The following HYCC2 variants were observed in gnomAD, a reference collection of about 807,000 sequenced individuals.
HYCC2 encodes the protein hyccin PI4KA lipid kinase complex subunit 2.
At chr2:201,025,273 GAATT>G in the HYCC2 span, among the ~76,000 whole-genome samples, 1 of 152,140 alleles carries the variant, frequency 6.6e-6, no homozygotes, top group African/African-American at 2.4e-5. Flanking sequence ...GATTCCGTAA[GAATT>G]AATTGGTTCA....
At chr2:201,039,742 G>A in the HYCC2 span, among the ~76,000 whole-genome samples, 4,684 of 152,136 alleles carry the variant, frequency 0.031, 256 homozygotes, top group African/African-American at 0.11. Context: ...AATACATAAA[G>A]TTAAATTCTA....
the HYCC2 span, among the ~76,000 whole-genome samples, chr2:201,039,911 A>C: frequency 6.6e-6 from 1 of 152,194 alleles, no homozygotes; most frequent in Non-Finnish European, 1.5e-5. Context: ...ACAGTGGCTC[A>C]CGCCTGTAAT....
the HYCC2 span, chr2:201,011,502 A>T: frequency 9.1e-7 from 1 of 1,101,428 alleles, no homozygotes. Flanking sequence ...AAAGATAATG[A>T]AATAATCACA....
chr2:200,992,159 T>G, the HYCC2 span: 3 of 663,220 alleles, frequency 4.5e-6, no homozygotes, highest in East Asian at 5.4e-5. Flanking sequence ...TCTCTAACAG[T>G]TAACCAACTG....
At chr2:201,070,983 TC>T in the HYCC2 span, among the ~76,000 whole-genome samples, 1 of 152,234 alleles carries the variant, frequency 6.6e-6, no homozygotes, top group Admixed American at 6.5e-5. Context: ...CTACCACCCT[TC>T]GCCTAGAGAA....
the HYCC2 span, chr2:201,009,134 T>A: frequency 9.0e-7 from 1 of 1,116,332 alleles, no homozygotes; most frequent in Non-Finnish European, 1.4e-6. Context: ...TACCATGAAG[T>A]AAAAATCTGT....
chr2:201,009,280 C>A, the HYCC2 span: 1 of 408,264 alleles, frequency 2.4e-6, no homozygotes, highest in Non-Finnish European at 4.5e-6. Context: ...TTGGAAATTG[C>A]CTGTAAAATA....
chr2:201,007,430 A>C, the HYCC2 span, among the ~76,000 whole-genome samples: 1 of 152,226 alleles, frequency 6.6e-6, no homozygotes, highest in Admixed American at 6.5e-5. Context: ...TTTACTGAAT[A>C]CTGTACTGAA....
At chr2:200,992,312 G>T in the HYCC2 span, 2 of 1,611,196 alleles carry the variant, frequency 1.2e-6, no homozygotes, top group Non-Finnish European at 1.7e-6. Context: ...CTCTAGCTGG[G>T]CTCTATAAAT....
chr2:201,028,043 A>G, the HYCC2 span, among the ~76,000 whole-genome samples: 4 of 152,210 alleles, frequency 2.6e-5, no homozygotes, highest in African/African-American at 9.6e-5. Flanking sequence ...TGCAGATGAC[A>G]TTATTGTATA....
the HYCC2 span, chr2:200,988,452 T>C: frequency 1.3e-6 from 2 of 1,550,556 alleles, no homozygotes; most frequent in Non-Finnish European, 1.8e-6. Flanking sequence ...TATACAAGTT[T>C]ACAATCAATA....
the HYCC2 span, among the ~76,000 whole-genome samples, chr2:200,983,630 A>G: frequency 2.6e-5 from 4 of 151,850 alleles, no homozygotes; most frequent in Non-Finnish European, 5.9e-5. Flanking sequence ...ATGTACTTTT[A>G]TAATGTACCT....
chr2:200,980,974 A>G, the HYCC2 span: 4 of 406,454 alleles, frequency 9.8e-6, no homozygotes, highest in Non-Finnish European at 1.8e-5. Context: ...AATGGGACCG[A>G]TCAGCCTACG....
the HYCC2 span, chr2:200,976,330 T>C: frequency 1.3e-5 from 2 of 152,098 alleles, no homozygotes; most frequent in Non-Finnish European, 2.9e-5. Context: ...GAAATACTGA[T>C]TAAAAAAGGA....
the HYCC2 span, among the ~76,000 whole-genome samples, chr2:200,995,337 G>A: frequency 6.6e-6 from 1 of 152,162 alleles, no homozygotes; most frequent in Non-Finnish European, 1.5e-5. Flanking sequence ...CACTTGTGGT[G>A]GACAGACTCT....
At chr2:201,024,347 G>A in the HYCC2 span, among the ~76,000 whole-genome samples, 1 of 151,926 alleles carries the variant, frequency 6.6e-6, no homozygotes, top group African/African-American at 2.4e-5. Flanking sequence ...AAATTAGCTG[G>A]GCATGGTGGC....
the HYCC2 span, chr2:200,980,036 T>C: frequency 6.6e-6 from 1 of 152,626 alleles, no homozygotes; most frequent in African/African-American, 2.4e-5. Flanking sequence ...GTGGTCCTTG[T>C]AGGAGAAATC....
At chr2:201,067,682 T>C in the HYCC2 span, among the ~76,000 whole-genome samples, 1 of 152,224 alleles carries the variant, frequency 6.6e-6, no homozygotes, top group South Asian at 2.1e-4. Flanking sequence ...TTTTAGTATA[T>C]ATTACTGAGT....
chr2:201,013,870 T>C, the HYCC2 span, among the ~76,000 whole-genome samples: 1 of 152,260 alleles, frequency 6.6e-6, no homozygotes, highest in South Asian at 2.1e-4. Context: ...TTAAGAGAAA[T>C]ATACAACTCC....
Sources: allele counts gnomAD v4.1 joint callset (sites outside exome capture counted in the v4.1 genomes callset), GRCh38; gene constraint gnomAD v4.1.1; transcripts MANE v1.5; gene names NCBI Gene and HGNC (gene_info 2026-07-23, HGNC 2026-07-21).